The following ZNF704 variants were observed in gnomAD, a reference collection of about 807,000 sequenced individuals.
ZNF704 encodes glucocorticoid induced gene 1.
Under a neutral mutation model 44.7 loss-of-function variants are expected in ZNF704, and 10 were observed. The ratio of observed to expected loss-of-function variants is 0.22; its 90% CI spans 0.14 to 0.38. The LOEUF is 0.38. ZNF704 is among the 10% of genes least tolerant of loss of function. The probability of loss-of-function intolerance (pLI) is 1.00; values close to 1 mark genes in which losing one functional copy is unlikely to be tolerated. For missense variants in ZNF704, 390 were observed against 545.5 expected, an observed-to-expected ratio of 0.71 and a Z score of 2.84; for synonymous variants, 211 against 207.6, an observed-to-expected ratio of 1.02 and a Z score of -0.14.
At chr8:80,764,029 C>T (rs1230060022) in intron 2 of ZNF704, among the ~76,000 whole-genome samples, 1 of 152,224 alleles carries the variant, frequency 6.6e-6, no homozygotes, top group African/African-American at 2.4e-5. Context: ...TTGCTCAAAA[C>T]CATTCAACAA....
chr8:80,827,829 C>T (rs535275584), intron 1 of ZNF704, among the ~76,000 whole-genome samples: 209 of 152,258 alleles, frequency 1.4e-3, no homozygotes, highest in Non-Finnish European at 2.5e-3. Flanking sequence ...GGAAAGGATT[C>T]CCTATTTAGT....
At chr8:80,656,852 A>AT (rs574447365) in intron 7 of ZNF704, among the ~76,000 whole-genome samples, 33 of 150,308 alleles carry the variant, frequency 2.2e-4, no homozygotes, top group Admixed American at 4.0e-4. Context: ...GGATAAAGGT[A>AT]TTTTTTTTTT....
At chr8:80,809,479 G>C (rs1808048671) in intron 2 of ZNF704, among the ~76,000 whole-genome samples, 1 of 152,172 alleles carries the variant, frequency 6.6e-6, no homozygotes, top group Admixed American at 6.5e-5. Flanking sequence ...TAAGAAAGCA[G>C]AGTTCGTGAG....
At chr8:80,692,117 C>T (rs1246519001) in intron 3 of ZNF704, among the ~76,000 whole-genome samples, 1 of 152,172 alleles carries the variant, frequency 6.6e-6, no homozygotes, top group Admixed American at 6.5e-5. Context: ...GTCCAAACTC[C>T]TAGCCAGGCA....
At chr8:80,846,061 C>G (rs904590920) in intron 1 of ZNF704, among the ~76,000 whole-genome samples, 1 of 152,004 alleles carries the variant, frequency 6.6e-6, no homozygotes, top group Non-Finnish European at 1.5e-5. Flanking sequence ...TTTTGAAGAA[C>G]GAATCACTCA....
At chr8:80,798,080 T>G (rs569485052) in intron 2 of ZNF704, among the ~76,000 whole-genome samples, 134 of 152,260 alleles carry the variant, frequency 8.8e-4, no homozygotes, top group Admixed American at 1.8e-3. Context: ...TTTTAAAATT[T>G]TTAATTTTTG....
chr8:80,811,019 AAG>A (rs1586044359), intron 2 of ZNF704, among the ~76,000 whole-genome samples: 1 of 152,216 alleles, frequency 6.6e-6, no homozygotes. Flanking sequence ...GAGGGAGAGC[AAG>A]AGACCAACCA....
At chr8:80,865,158 GCA>G (rs2130055132) in intron 1 of ZNF704, among the ~76,000 whole-genome samples, 1 of 152,252 alleles carries the variant, frequency 6.6e-6, no homozygotes, top group South Asian at 2.1e-4. Flanking sequence ...TGATCCTTGA[GCA>G]CAGTTTTACA....
rs1809327128 is a variant in ZNF704, at chr8:80,874,416, C to T, written c.-22+155G>A. On this transcript the variant is annotated intron_variant, in intron 1 of 8. Transcript: ENST00000327835. This position sits in a 1 kb window ranked among gnomAD's most constrained non-coding sequence, Gnocchi z 4.4. ...CGCGCGCCTCTCCCGGCCGGCTGCG[C>T]CCGCGCGCTCCGGGCCTACCGCTGC... 6.7e-6 allele frequency among the ~76,000 whole-genome samples: 1 copy of T among 149,208 alleles called. No individual in the cohort carries two copies. The highest frequency in any genetic ancestry group is 1.5e-5 in the Non-Finnish European group (1 of 67,058).
At chr8:80,871,997 TC>T (rs1280067365) in intron 1 of ZNF704, among the ~76,000 whole-genome samples, 4 of 152,242 alleles carry the variant, frequency 2.6e-5, no homozygotes, top group Non-Finnish European at 4.4e-5. Flanking sequence ...TTTGATTTTT[TC>T]CCTATATTAA....
intron 1 of ZNF704, among the ~76,000 whole-genome samples, chr8:80,828,710 A>C (rs544461033): frequency 3.9e-5 from 6 of 152,386 alleles, no homozygotes; most frequent in Non-Finnish European, 5.9e-5. Flanking sequence ...TTTTCAGAAT[A>C]CAAGGAGAAT....
chr8:80,806,481 T>C (rs967128403), intron 2 of ZNF704, among the ~76,000 whole-genome samples: 1 of 152,188 alleles, frequency 6.6e-6, no homozygotes, highest in African/African-American at 2.4e-5. Flanking sequence ...AGGTTTGTGT[T>C]TTTTTCTTTA....
At chr8:80,705,610 G>C (rs1287145861) in intron 2 of ZNF704, among the ~76,000 whole-genome samples, 1 of 152,004 alleles carries the variant, frequency 6.6e-6, no homozygotes, top group African/African-American at 2.4e-5. Flanking sequence ...TTGTGTGTGT[G>C]TGTGTCAATC....
At chr8:80,810,809 C>T (rs761718471) in intron 2 of ZNF704, among the ~76,000 whole-genome samples, 15 of 152,188 alleles carry the variant, frequency 9.9e-5, no homozygotes, top group Non-Finnish European at 1.2e-4. Context: ...AATCATGCTG[C>T]AGATTTCTAA....
intron 7 of ZNF704, among the ~76,000 whole-genome samples, chr8:80,655,331 TAAA>T (rs1045175451): frequency 3.3e-5 from 5 of 150,218 alleles, no homozygotes; most frequent in African/African-American, 1.2e-4. Context: ...AACTTTAATT[TAAA>T]AAAAAGAACA....
chr8:80,849,035 T>C (rs1808814505), intron 1 of ZNF704, among the ~76,000 whole-genome samples: 1 of 152,166 alleles, frequency 6.6e-6, no homozygotes, highest in Non-Finnish European at 1.5e-5. Context: ...AAAAGATAGA[T>C]ACCTTTAAGC....
intron 2 of ZNF704, among the ~76,000 whole-genome samples, chr8:80,710,535 A>T (rs1818968817): frequency 6.6e-6 from 1 of 152,136 alleles, no homozygotes; most frequent in Non-Finnish European, 1.5e-5. Flanking sequence ...CTACCCCTCG[A>T]CATGATAGTA....
chr8:80,630,722 C>CTAAG lies in ZNF704; in HGVS notation c.*10640_*10643dup. 6.6e-6 allele frequency: 1 copy of CTAAG among 152,202 alleles called. No homozygotes were observed. The highest frequency in any genetic ancestry group is 2.4e-5 in the African/African-American group (1 of 41,508). 9.4% of individuals were successfully genotyped at this position (152,202 alleles called of 1,614,324 possible). ...TTTTTTCTTATCCTGAGTTCTTCTT[C>CTAAG]TAAGTATATAGGATTTTGATACGCA... On this transcript the variant is annotated 3_prime_UTR_variant, in exon 9 of 9. Coordinates refer to ENST00000327835, the MANE Select transcript of ZNF704 (RefSeq NM_001033723.3).
intron 1 of ZNF704, among the ~76,000 whole-genome samples, chr8:80,853,550 GA>G (rs944065901): frequency 1.4e-5 from 2 of 147,614 alleles, no homozygotes; most frequent in African/African-American, 2.5e-5. Context: ...AGCAATGGAG[GA>G]AAAAAAAATT....
Sources: gnomAD v4.1 joint callset for allele counts (sites outside exome capture counted in the v4.1 genomes callset) on GRCh38, gnomAD v4.1.1 for gene constraint, Gnocchi (gnomAD v3.1) non-coding constraint, MANE v1.5 for transcripts, NCBI Gene and HGNC (gene_info 2026-07-23, HGNC 2026-07-21) for gene names.